The following RNF180 variants were observed in gnomAD, a reference collection of about 807,000 sequenced individuals.
The protein encoded by RNF180 is ring finger protein 180.
A neutral mutation model predicts 59.2 loss-of-function variants in RNF180; 38 were observed. That is an observed-to-expected ratio of 0.64 (90% CI 0.50 to 0.84). RNF180 has a LOEUF of 0.84. Among genes scored for constraint, RNF180 ranks in the 40% least tolerant of loss-of-function variants. The pLI is 0.00. For synonymous variants in RNF180, 262 were observed against 240.3 expected, an observed-to-expected ratio of 1.09 and a Z score of -0.84; for missense variants, 705 against 700.9, an observed-to-expected ratio of 1.01 and a Z score of -0.07.
At chr5:64,270,026 AACACAC>A (rs146625939) in intron 5 of RNF180, among the ~76,000 whole-genome samples, 7 of 148,582 alleles carry the variant, frequency 4.7e-5, no homozygotes, top group Admixed American at 1.4e-4. Flanking sequence ...CAGTAACAAT[AACACAC>A]ACACACACAC....
intron 5 of RNF180, among the ~76,000 whole-genome samples, chr5:64,243,695 C>G (rs909164573): frequency 6.6e-6 from 1 of 152,218 alleles, no homozygotes; most frequent in Admixed American, 6.5e-5. Context: ...TGCCTGCCAG[C>G]TCTGAAGAGA....
chr5:64,309,302 T>C (rs1349585469), intron 5 of RNF180, among the ~76,000 whole-genome samples: 2 of 151,726 alleles, frequency 1.3e-5, no homozygotes, highest in Admixed American at 1.3e-4. Flanking sequence ...TAGCATAATT[T>C]ATATGATTGT....
intron 5 of RNF180, among the ~76,000 whole-genome samples, chr5:64,218,944 A>G (rs973860781): frequency 6.6e-6 from 1 of 152,138 alleles, no homozygotes; most frequent in African/African-American, 2.4e-5. Flanking sequence ...GTTTCTTGTC[A>G]GATTTATTCC....
chr5:64,175,222 C>A (rs988081902), intron 1 of RNF180, among the ~76,000 whole-genome samples: 3 of 152,170 alleles, frequency 2.0e-5, no homozygotes, highest in South Asian at 2.1e-4. Flanking sequence ...CCGCCTCGGA[C>A]TCCCAAAGAG....
chr5:64,172,112 C>T (rs917789788), intron 1 of RNF180, among the ~76,000 whole-genome samples: 3 of 152,042 alleles, frequency 2.0e-5, no homozygotes, highest in African/African-American at 7.2e-5. Flanking sequence ...TATTGGTATG[C>T]CTGAAAAAGT....
intron 5 of RNF180, among the ~76,000 whole-genome samples, chr5:64,269,774 C>T (rs1191419213): frequency 6.6e-6 from 1 of 152,044 alleles, no homozygotes; most frequent in East Asian, 1.9e-4. Context: ...CAATGGAGTA[C>T]CAAACATTTT....
intron 1 of RNF180, among the ~76,000 whole-genome samples, chr5:64,166,841 G>T (rs1749667394): frequency 6.6e-6 from 1 of 152,142 alleles, no homozygotes; most frequent in South Asian, 2.1e-4. Flanking sequence ...AGTTGTCCTT[G>T]GTCCAGTTGG....
At chr5:64,243,064 T>C (rs968230174) in intron 5 of RNF180, among the ~76,000 whole-genome samples, 7 of 152,214 alleles carry the variant, frequency 4.6e-5, no homozygotes, top group Non-Finnish European at 1.0e-4. Flanking sequence ...GCCCAGATAC[T>C]ACACTTTTCC....
At chr5:64,204,961 A>C (rs1184384353) in intron 2 of RNF180, among the ~76,000 whole-genome samples, 5 of 152,136 alleles carry the variant, frequency 3.3e-5, no homozygotes, top group Non-Finnish European at 7.4e-5. Context: ...ATAGAGAATA[A>C]GGAAACTGGG....
chr5:64,265,071 GTTGT>G (rs1744579128), intron 5 of RNF180, among the ~76,000 whole-genome samples: 2 of 152,092 alleles, frequency 1.3e-5, no homozygotes, highest in South Asian at 2.1e-4. Context: ...TTTTGATGAG[GTTGT>G]TTGTTTTTTC....
Position 64,214,293 on chromosome 5 carries a change from C to T in RNF180, c.967C>T (p.His323Tyr). 1 of 1,613,992 alleles carries T rather than the reference C, an allele frequency of 6.2e-7. No homozygotes were observed. The highest frequency in any genetic ancestry group is 8.5e-7 in the Non-Finnish European group (1 of 1,180,000). ...GLEAASVYSD[H>Y]TNTNNLTFLM... ...AGAAGCTGCTTCAGTGTATTCTGAC[C>T]ATACTAATACTAACAATCTGACTTT... The change falls in exon 4 of 8, where the codon CAT (histidine) becomes TAT (tyrosine). Residue 323 changes from histidine to tyrosine, a missense_variant. By Grantham distance (83) the His-to-Tyr change is moderately conservative. Transcript: ENST00000389100.
intron 4 of RNF180, among the ~76,000 whole-genome samples, chr5:64,215,222 T>C (rs186981044): frequency 3.3e-5 from 5 of 152,302 alleles, no homozygotes; most frequent in Admixed American, 2.6e-4. Flanking sequence ...TCATGAACAT[T>C]TGAAAGTTCG....
intron 5 of RNF180, among the ~76,000 whole-genome samples, chr5:64,291,591 A>AT (rs371191205): frequency 0.28 from 42,245 of 149,402 alleles, 6,156 homozygotes; most frequent in African/African-American, 0.35. Context: ...CACCCGGCTA[A>AT]TTTTTTTTTG....
chr5:64,186,899 C>G (rs922432697), intron 1 of RNF180, among the ~76,000 whole-genome samples: 1 of 152,130 alleles, frequency 6.6e-6, no homozygotes, highest in African/African-American at 2.4e-5. Flanking sequence ...ATTCCGCATG[C>G]AATTTCTACC....
In RNF180 at chr5:64,325,368, C is replaced by T; in HGVS notation, c.1410C>T (p.Cys470=). 6.4e-7 allele frequency: 1 copy of T among 1,551,600 alleles called. No homozygotes were observed. ...LAKDNPSSTP[C]PLCRTIISRV... is the part of the protein sequence containing the mutation. ...AAGACAATCCTTCAAGCACTCCATG[C>T]CCATTGTGTCGGACAATTATTTCTA... Residue 470 remains cysteine (C), a synonymous_variant, in exon 6 of 8, where the codon TGC becomes TGT. Coordinates refer to ENST00000389100, the MANE Select transcript of RNF180 (RefSeq NM_001113561.2).
intron 1 of RNF180, 38 bp from the exon 2 acceptor site, chr5:64,200,770 C>T (rs1463071743): frequency 6.3e-7 from 1 of 1,576,912 alleles, no homozygotes; most frequent in East Asian, 2.2e-5. Context: ...GTTTATCTGA[C>T]AGTTTAACAT....
At chr5:64,226,471 G>C (rs558482576) in intron 5 of RNF180, among the ~76,000 whole-genome samples, 153 of 152,194 alleles carry the variant, frequency 1.0e-3, no homozygotes, top group African/African-American at 3.5e-3. Flanking sequence ...CAGCATGCTC[G>C]TTAAGAGTCA....
intron 5 of RNF180, among the ~76,000 whole-genome samples, chr5:64,255,547 G>A (rs4643895): frequency 0.045 from 6,778 of 152,160 alleles, 500 homozygotes; most frequent in African/African-American, 0.15. Context: ...TTTTATGGCT[G>A]CATAGTATTC....
chr5:64,253,879 G>A (rs371175528), intron 5 of RNF180, among the ~76,000 whole-genome samples: 1 of 152,010 alleles, frequency 6.6e-6, no homozygotes, highest in South Asian at 2.1e-4. Flanking sequence ...AGCAGCTTAG[G>A]ATGGCCATTT....
Sources: gnomAD v4.1 joint callset for allele counts (sites outside exome capture counted in the v4.1 genomes callset) on GRCh38, gnomAD v4.1.1 for gene constraint, MANE v1.5 for transcripts, NCBI Gene and HGNC (gene_info 2026-07-23, HGNC 2026-07-21) for gene names.